Variants in GRIN2A observed in about 807,000 individuals in gnomAD.
The protein encoded by GRIN2A is glutamate ionotropic receptor NMDA type subunit 2A, also known as glutamate receptor ionotropic, NMDA 2A.
A neutral mutation model predicts 113.4 loss-of-function variants in GRIN2A; 22 were observed. That is an observed-to-expected ratio of 0.19 (90% confidence interval 0.14 to 0.28). The LOEUF is 0.28. GRIN2A is among the 10% of genes least tolerant of loss of function. GRIN2A has a pLI of 1.00. For synonymous variants in GRIN2A, 827 were observed against 738.4 expected (o/e 1.12, Z -1.94); for missense variants, 1,502 against 1,887.0 (o/e 0.80, Z 3.78).
At chr16:10,173,146 T>C (rs1426142962) in intron 2 of GRIN2A, among the ~76,000 whole-genome samples, 2 of 151,566 alleles carry the variant, frequency 1.3e-5, no homozygotes, top group African/African-American at 2.4e-5. Flanking sequence ...GTGTTGATGA[T>C]CGCATCTGAC....
chr16:10,179,893 C>CCCAAAACCA, intron 2 of GRIN2A, 105 bp downstream of exon 2: 1 of 719,818 alleles, frequency 1.4e-6, no homozygotes, highest in Non-Finnish European at 2.4e-6. Context: ...CCCCCACCCC[C>CCCAAAACCA]ACTTCACATC....
At chr16:10,002,477 G>T (rs1405977990) in intron 2 of GRIN2A, among the ~76,000 whole-genome samples, 1 of 152,218 alleles carries the variant, frequency 6.6e-6, no homozygotes, top group African/African-American at 2.4e-5. Flanking sequence ...TGAATGACCG[G>T]TTTCACGGAT....
chr16:9,790,169 A>G (rs1238268403), intron 11 of GRIN2A, among the ~76,000 whole-genome samples: 2 of 152,216 alleles, frequency 1.3e-5, no homozygotes, highest in Non-Finnish European at 2.9e-5. Flanking sequence ...CTGCTGACCA[A>G]TATGCCTGGA....
At chr16:10,175,378 G>C (rs960506979) in intron 2 of GRIN2A, among the ~76,000 whole-genome samples, 1 of 152,162 alleles carries the variant, frequency 6.6e-6, no homozygotes, top group Non-Finnish European at 1.5e-5. Context: ...CTCTAAGAAA[G>C]TCCACAGAGG....
chr16:10,091,457 TACACACACACACAC>T (rs35961930), intron 2 of GRIN2A, among the ~76,000 whole-genome samples: 67 of 145,824 alleles, frequency 4.6e-4, no homozygotes, highest in Non-Finnish European at 6.5e-4. Flanking sequence ...TGTGTGTGTA[TACACACACACACAC>T]ACACACACAC....
chr16:9,832,363 C>T (rs1466915101), intron 8 of GRIN2A, among the ~76,000 whole-genome samples: 1 of 152,094 alleles, frequency 6.6e-6, no homozygotes, highest in Non-Finnish European at 1.5e-5. Flanking sequence ...AATTGTATGT[C>T]ACCCTTCAGG....
intron 2 of GRIN2A, among the ~76,000 whole-genome samples, chr16:10,071,063 T>C (rs1381442198): frequency 1.3e-5 from 2 of 152,140 alleles, no homozygotes; most frequent in Admixed American, 1.3e-4. Flanking sequence ...TGCCATCCGA[T>C]AGGCAGTATT....
chr16:10,125,295 A>G (rs533334774), intron 2 of GRIN2A, among the ~76,000 whole-genome samples: 23 of 152,090 alleles, frequency 1.5e-4, no homozygotes, highest in Non-Finnish European at 3.1e-4. Flanking sequence ...ATTTTTTCAA[A>G]CTTTTTGCAT....
intron 2 of GRIN2A, among the ~76,000 whole-genome samples, chr16:9,957,749 G>A (rs747808094): frequency 6.6e-6 from 1 of 152,132 alleles, no homozygotes; most frequent in African/African-American, 2.4e-5. Flanking sequence ...ACCGAAAGAT[G>A]CCCCTCGATG....
chr16:9,863,553 G>A (rs7187984), intron 4 of GRIN2A, among the ~76,000 whole-genome samples: 47,405 of 152,010 alleles, frequency 0.31, 7,598 homozygotes, highest in African/African-American at 0.35. Context: ...CTACCAACAC[G>A]GACATCCAAA....
At chr16:10,002,183 A>T (rs191058488) in intron 2 of GRIN2A, among the ~76,000 whole-genome samples, 43 of 152,202 alleles carry the variant, frequency 2.8e-4, no homozygotes, top group Non-Finnish European at 5.9e-4. Flanking sequence ...AATCAGATAA[A>T]ACAAGGTACA....
At chr16:10,052,713 G>C (rs7204413) in intron 2 of GRIN2A, among the ~76,000 whole-genome samples, 61,607 of 151,926 alleles carry the variant, frequency 0.41, 13,500 homozygotes, top group East Asian at 0.88. Context: ...CCCAAACTGG[G>C]AGCTTCTCCT....
At chr16:9,930,729 AC>A (rs1413720173) in intron 3 of GRIN2A, among the ~76,000 whole-genome samples, 6 of 152,232 alleles carry the variant, frequency 3.9e-5, no homozygotes. Flanking sequence ...TATTGGCATT[AC>A]AAAAAACCAA....
At chr16:9,892,916 C>A in intron 3 of GRIN2A, among the ~76,000 whole-genome samples, 1 of 141,842 alleles carries the variant, frequency 7.1e-6, no homozygotes, top group African/African-American at 2.7e-5. Context: ...CATTAACATC[C>A]AGAGATGCTA....
intron 4 of GRIN2A, among the ~76,000 whole-genome samples, chr16:9,888,539 C>T (rs2043630676): frequency 6.6e-6 from 1 of 151,674 alleles, no homozygotes; most frequent in Non-Finnish European, 1.5e-5. Context: ...TTTTCCTTTT[C>T]CCTGTTGTCA....
chr16:9,810,363 G>A (rs1350352366), intron 10 of GRIN2A, among the ~76,000 whole-genome samples: 1 of 152,192 alleles, frequency 6.6e-6, no homozygotes, highest in Non-Finnish European at 1.5e-5. Flanking sequence ...ATCAGGAGGT[G>A]ATGTTGGGAA....
intron 2 of GRIN2A, among the ~76,000 whole-genome samples, chr16:10,082,318 G>C (rs1445297748): frequency 6.6e-6 from 1 of 152,188 alleles, no homozygotes; most frequent in African/African-American, 2.4e-5. Flanking sequence ...CAAAGTGATA[G>C]TCTTAATCCA....
rs535155293 is a variant in GRIN2A at position 9,797,242 on chromosome 16, C to T, written c.2356+1035G>A. Among the ~76,000 whole-genome samples, 129 of 152,350 alleles carry T rather than the reference C, an allele frequency of 8.5e-4. 1 individual carries two copies. The highest frequency in any genetic ancestry group is 1.4e-3 in the East Asian group (7 of 5,182). ...CCACTATTTGAACGGGGCTTCTGCCCTCTGGCTTGAGCCTTTCTATCCTCC... is the reference window on the plus strand; with the variant it reads ...CCACTATTTGAACGGGGCTTCTGCCTTCTGGCTTGAGCCTTTCTATCCTCC... On this transcript the variant is annotated intron_variant, in intron 11 of 12. Coordinates refer to ENST00000330684, the MANE Select transcript of GRIN2A (RefSeq NM_001134407.3).
intron 2 of GRIN2A, among the ~76,000 whole-genome samples, chr16:10,080,370 T>C (rs2047955381): frequency 6.6e-6 from 1 of 152,240 alleles, no homozygotes; most frequent in Non-Finnish European, 1.5e-5. Flanking sequence ...TGCCAGGCCC[T>C]GGGCTTTTGC....
Sources: gnomAD v4.1 joint callset for allele counts (sites outside exome capture counted in the v4.1 genomes callset) on GRCh38, gnomAD v4.1.1 for gene constraint, MANE v1.5 for transcripts, NCBI Gene and HGNC (gene_info 2026-07-23, HGNC 2026-07-21) for gene names.